Variants in RALYL observed in about 807,000 individuals in gnomAD.
RALYL encodes RALY RNA binding protein like.
Under a neutral mutation model 35.1 loss-of-function variants are expected in RALYL, and 29 were observed. The observed-to-expected ratio is 0.83, with a 90% CI of 0.61 to 1.13. The LOEUF is 1.13. RALYL is among the 50% of genes most tolerant of loss of function. The pLI, the probability that RALYL is intolerant of heterozygous loss-of-function variation, is 0.00. For missense variants in RALYL, 359 were observed against 360.4 expected (o/e 1.00, Z 0.03); for synonymous variants, 120 against 127.6 (o/e 0.94, Z 0.40).
intron 1 of RALYL, among the ~76,000 whole-genome samples, chr8:84,405,707 T>C (rs2043405013): frequency 6.6e-6 from 1 of 152,170 alleles, no homozygotes; most frequent in African/African-American, 2.4e-5. Flanking sequence ...TAGAATTGTT[T>C]CTTCAAATAC....
intron 8 of RALYL, among the ~76,000 whole-genome samples, chr8:84,891,002 G>C (rs181629502): frequency 6.6e-6 from 1 of 152,056 alleles, no homozygotes; most frequent in Non-Finnish European, 1.5e-5. Flanking sequence ...TAGAGAAAGA[G>C]GAACTAAATG....
intron 6 of RALYL, among the ~76,000 whole-genome samples, chr8:84,869,571 G>A (rs182480879): frequency 2.0e-5 from 3 of 152,158 alleles, no homozygotes; most frequent in East Asian, 1.9e-4. Context: ...TCTGTGATGC[G>A]GTGTGGGCTA....
chr8:84,304,266 C>T (rs986419652), intron 1 of RALYL, among the ~76,000 whole-genome samples: 22 of 152,136 alleles, frequency 1.4e-4, no homozygotes, highest in Middle Eastern at 3.4e-3. Context: ...TACAGGCGCC[C>T]GCCACCAAGC....
intron 1 of RALYL, among the ~76,000 whole-genome samples, chr8:84,310,836 A>G (rs2129846016): frequency 7.3e-6 from 1 of 137,856 alleles, no homozygotes; most frequent in South Asian, 2.1e-4. Context: ...TCATGAGGTC[A>G]GGAGATCGAG....
intron 1 of RALYL, among the ~76,000 whole-genome samples, chr8:84,265,459 A>G (rs1833107613): frequency 6.6e-6 from 1 of 152,224 alleles, no homozygotes; most frequent in Admixed American, 6.5e-5. Context: ...GGTGGCATCT[A>G]AAAGCTGGGA....
intron 2 of RALYL, among the ~76,000 whole-genome samples, chr8:84,550,466 ATATT>A (rs2060640543): frequency 6.6e-6 from 1 of 152,092 alleles, no homozygotes; most frequent in Non-Finnish European, 1.5e-5. Context: ...GATATTGAAA[ATATT>A]TATAAGTTCT....
At chr8:84,528,619 T>A (rs557513842) in intron 1 of RALYL, among the ~76,000 whole-genome samples, 79 of 152,254 alleles carry the variant, frequency 5.2e-4, no homozygotes, top group Admixed American at 9.8e-4. Flanking sequence ...CACTGGCTCT[T>A]ATGTTTTGTT....
At chr8:84,614,090 C>G (rs1818909914) in intron 2 of RALYL, among the ~76,000 whole-genome samples, 1 of 151,378 alleles carries the variant, frequency 6.6e-6, no homozygotes, top group South Asian at 2.1e-4. Flanking sequence ...CTAATAGTAC[C>G]TATGACACTG....
At position 84,921,202 on chromosome 8, in the gene RALYL, G is replaced by T; in HGVS notation, c.*291G>T. 3.8e-6 allele frequency: 1 copy of T among 261,216 alleles called. No individual in the cohort carries two copies. Among genetic ancestry groups the T allele is most frequent in the Non-Finnish European group, 7.1e-6 (1 of 140,462 alleles). 16.2% of individuals were successfully genotyped at this position (261,216 alleles called of 1,614,324 possible). Reference sequence around the variant, plus strand: ...TGAAAGGCATTTATGAATGGTAAGGGAAACACTATATACAAATGTATATTT... The same window carrying T: ...TGAAAGGCATTTATGAATGGTAAGGTAAACACTATATACAAATGTATATTT... On this transcript the variant is annotated 3_prime_UTR_variant, in exon 9 of 9. Transcript: ENST00000521268.
At chr8:84,741,764 A>C (rs1807377832) in intron 2 of RALYL, among the ~76,000 whole-genome samples, 1 of 152,020 alleles carries the variant, frequency 6.6e-6, no homozygotes, top group Non-Finnish European at 1.5e-5. Flanking sequence ...AAAGAAAAAG[A>C]ATTTGCTCCA....
At chr8:84,250,003 T>C (rs181112455) in intron 1 of RALYL, among the ~76,000 whole-genome samples, 1 of 152,116 alleles carries the variant, frequency 6.6e-6, no homozygotes, top group African/African-American at 2.4e-5. Flanking sequence ...AAAATATTGG[T>C]ATGGGATTTC....
chr8:84,566,572 CT>C (rs2061798059), intron 2 of RALYL, among the ~76,000 whole-genome samples: 1 of 151,494 alleles, frequency 6.6e-6, no homozygotes, highest in Non-Finnish European at 1.5e-5. Flanking sequence ...TATATTGACT[CT>C]GGATGTCTGT....
intron 2 of RALYL, among the ~76,000 whole-genome samples, chr8:84,683,734 TG>T (rs1383707784): frequency 6.6e-6 from 1 of 152,168 alleles, no homozygotes; most frequent in East Asian, 1.9e-4. Flanking sequence ...TCACCCAGGC[TG>T]GAGTGCAGTG....
At chr8:84,758,782 G>A (rs549573732) in intron 2 of RALYL, among the ~76,000 whole-genome samples, 16 of 152,296 alleles carry the variant, frequency 1.1e-4, no homozygotes, top group African/African-American at 3.4e-4. Flanking sequence ...GAATCACTAA[G>A]TCCAACCCAC....
intron 1 of RALYL, among the ~76,000 whole-genome samples, chr8:84,339,361 T>C (rs1848367050): frequency 1.3e-5 from 2 of 151,996 alleles, no homozygotes; most frequent in Admixed American, 1.3e-4. Context: ...CATTACCACC[T>C]GAGCTCTGCC....
intron 7 of RALYL, among the ~76,000 whole-genome samples, chr8:84,875,051 GTAT>G (rs34728415): frequency 0.45 from 68,914 of 151,690 alleles, 18,530 homozygotes; most frequent in African/African-American, 0.74. Context: ...TATTACAAAT[GTAT>G]TATTTCCAAT....
chr8:84,406,570 C>T (rs2043520006), intron 1 of RALYL, among the ~76,000 whole-genome samples: 1 of 151,808 alleles, frequency 6.6e-6, no homozygotes, highest in Admixed American at 6.6e-5. Flanking sequence ...AGAGGTGGCA[C>T]TTCTGGGCAT....
intron 1 of RALYL, among the ~76,000 whole-genome samples, chr8:84,318,861 TAAATC>T (rs1484485679): frequency 2.0e-5 from 3 of 152,306 alleles, no homozygotes; most frequent in African/African-American, 7.2e-5. Context: ...TATTTGAAAT[TAAATC>T]AATGAAAGAT....
At chr8:84,499,154 T>C (rs1341719815) in intron 1 of RALYL, among the ~76,000 whole-genome samples, 1 of 151,974 alleles carries the variant, frequency 6.6e-6, no homozygotes, top group African/African-American at 2.4e-5. Flanking sequence ...ATGGATACAC[T>C]GTGTAATGTT....
Sources: gnomAD v4.1 joint callset for allele counts (sites outside exome capture counted in the v4.1 genomes callset) on GRCh38, gnomAD v4.1.1 for gene constraint, MANE v1.5 for transcripts, NCBI Gene and HGNC (gene_info 2026-07-23, HGNC 2026-07-21) for gene names.